The following ADCY2 variants were observed in gnomAD, a reference collection of about 807,000 sequenced individuals.
The protein encoded by ADCY2 is adenylate cyclase type 2.
ADCY2 carries 31 observed loss-of-function variants against 125.2 expected under a neutral mutation model. The ratio of observed to expected loss-of-function variants is 0.25; its 90% CI spans 0.19 to 0.33. The LOEUF (loss-of-function observed/expected upper bound fraction) is 0.33, where lower values mean the gene tolerates loss of function less well. Among genes scored for constraint, ADCY2 ranks in the 10% least tolerant of loss-of-function variants. The probability of loss-of-function intolerance (pLI) is 1.00; values close to 1 mark genes in which losing one functional copy is unlikely to be tolerated. For synonymous variants in ADCY2, 512 were observed against 548.4 expected (o/e 0.93, Z 0.93); for missense variants, 904 against 1,418.2 (o/e 0.64, Z 5.82).
rs1169044055 is a variant in ADCY2, at chr5:7,620,231, A to G, written c.571-5936A>G. On this transcript the variant is annotated intron_variant, in intron 3 of 24. Transcript: ENST00000338316. Reference sequence around the variant, plus strand: ...TAGCAACAGATGTGGTATAAAAAGAATAAAGAAAATAATAATCATGACCAA... The same window carrying G: ...TAGCAACAGATGTGGTATAAAAAGAGTAAAGAAAATAATAATCATGACCAA... Among the ~76,000 whole-genome samples, 12 of 152,346 alleles carry G rather than the reference A, an allele frequency of 7.9e-5. No individual in the cohort carries two copies. In the East Asian group the frequency reaches 1.3e-3, roughly 17 times the overall value.
chr5:7,435,343 C>T lies in ADCY2; in HGVS notation c.408+20573C>T, dbSNP rs185249315. Among the ~76,000 whole-genome samples, 19 of 152,268 alleles carry T rather than the reference C, an allele frequency of 1.2e-4. No homozygotes were observed. In the East Asian group the frequency reaches 2.9e-3, roughly 23 times the overall value. ...GAAAACCTGGGCTTAGTTTTGGCTACGGCTTTTCTTCTCGCTGCCTGATGC... is the reference window on the plus strand; with the variant it reads ...GAAAACCTGGGCTTAGTTTTGGCTATGGCTTTTCTTCTCGCTGCCTGATGC... On this transcript the variant is annotated intron_variant, in intron 2 of 24. Coordinates refer to ENST00000338316, the MANE Select transcript of ADCY2 (RefSeq NM_020546.3).
chr5:7,501,827 T>C (rs1439327236), intron 2 of ADCY2, among the ~76,000 whole-genome samples: 1 of 151,876 alleles, frequency 6.6e-6, no homozygotes, highest in Non-Finnish European at 1.5e-5. Context: ...GATCAGTGGA[T>C]TATTTGCTTC....
intron 2 of ADCY2, among the ~76,000 whole-genome samples, chr5:7,438,298 G>C (rs1740884006): frequency 1.3e-5 from 2 of 152,222 alleles, no homozygotes; most frequent in Non-Finnish European, 2.9e-5. Flanking sequence ...CTAGGCCCTG[G>C]AATTAGAGCA....
intron 4 of ADCY2, among the ~76,000 whole-genome samples, chr5:7,664,001 A>G (rs1474075149): frequency 6.6e-6 from 1 of 152,096 alleles, no homozygotes; most frequent in Non-Finnish European, 1.5e-5. Context: ...TGTGGATCCA[A>G]TGCCTAAAGT....
chr5:7,576,907 A>G (rs892504244), intron 3 of ADCY2, among the ~76,000 whole-genome samples: 2 of 152,210 alleles, frequency 1.3e-5, no homozygotes, highest in African/African-American at 4.8e-5. Flanking sequence ...ATTTTAAAGA[A>G]AATACATGTG....
intron 3 of ADCY2, among the ~76,000 whole-genome samples, chr5:7,561,941 G>A (rs10475381): frequency 0.37 from 56,707 of 151,904 alleles, 11,310 homozygotes; most frequent in African/African-American, 0.42. Context: ...CAGGAATATC[G>A]TATTGCACAT....
At chr5:7,450,871 T>C (rs1333691182) in intron 2 of ADCY2, among the ~76,000 whole-genome samples, 1 of 152,176 alleles carries the variant, frequency 6.6e-6, no homozygotes, top group Non-Finnish European at 1.5e-5. Flanking sequence ...TAGAGGACAG[T>C]GTATCTGTTT....
intron 4 of ADCY2, chr5:7,657,999 G>C (rs1384123972): frequency 6.6e-6 from 1 of 152,256 alleles, no homozygotes; most frequent in African/African-American, 2.4e-5. Flanking sequence ...AGACCCCCAG[G>C]TGCAGTGACA....
chr5:7,687,922 TG>T (rs1740571100), intron 4 of ADCY2, among the ~76,000 whole-genome samples: 4 of 152,216 alleles, frequency 2.6e-5, no homozygotes, highest in Admixed American at 2.6e-4. Flanking sequence ...TGAGCACCTG[TG>T]GCTTGGTGCA....
chr5:7,463,391 ATG>A (rs1209012195), intron 2 of ADCY2, among the ~76,000 whole-genome samples: 2 of 152,068 alleles, frequency 1.3e-5, no homozygotes, highest in African/African-American at 4.8e-5. Flanking sequence ...TAGGCCTGGG[ATG>A]TGTTTCTTTT....
intron 22 of ADCY2, among the ~76,000 whole-genome samples, chr5:7,806,732 T>C (rs143667529): frequency 7.2e-4 from 109 of 152,330 alleles, no homozygotes; most frequent in African/African-American, 2.5e-3. Context: ...CTAACAAAGC[T>C]CTGTCTTCAG....
Position 7,827,560 on chromosome 5 carries a change from C to T in ADCY2, c.*689C>T, listed in dbSNP as rs1745530338. On this transcript the variant is annotated 3_prime_UTR_variant, in exon 25 of 25. Coordinates refer to ENST00000338316, the MANE Select transcript of ADCY2 (RefSeq NM_020546.3). ...TACAGTGCCTGTATCTTTTATTTTC[C>T]TGTCTTCTTTCTCCTGTGGTTTGCT... 6.6e-6 allele frequency: 1 copy of T among 152,326 alleles called. No individual in the cohort carries two copies. Among genetic ancestry groups the T allele is most frequent in the Non-Finnish European group, 1.5e-5 (1 of 68,032 alleles). The allele number at this position is 152,326 out of a possible 1,614,324, so 9.4% of individuals were successfully genotyped here.
At chr5:7,675,097 G>A (rs899561934) in intron 4 of ADCY2, among the ~76,000 whole-genome samples, 8 of 151,520 alleles carry the variant, frequency 5.3e-5, no homozygotes, top group East Asian at 1.9e-4. Context: ...AGCAGAGCTC[G>A]CAGTGAGCCG....
intron 2 of ADCY2, among the ~76,000 whole-genome samples, chr5:7,473,011 T>C (rs529398214): frequency 8.1e-4 from 123 of 151,986 alleles, no homozygotes; most frequent in Admixed American, 1.5e-3. Flanking sequence ...TTTGTTGTAC[T>C]GGCCCTGCCT....
chr5:7,633,217 G>A (rs1001434817), intron 4 of ADCY2, among the ~76,000 whole-genome samples: 1 of 152,022 alleles, frequency 6.6e-6, no homozygotes, highest in Non-Finnish European at 1.5e-5. Context: ...GATCACCTGA[G>A]GTCAGGAGTT....
intron 2 of ADCY2, among the ~76,000 whole-genome samples, chr5:7,509,811 C>T (rs72709173): frequency 0.16 from 24,451 of 152,220 alleles, 2,108 homozygotes; most frequent in African/African-American, 0.2. Flanking sequence ...TAGTCATCAA[C>T]ATGTTCCTGA....
At chr5:7,499,525 G>A (rs1259906169) in intron 2 of ADCY2, among the ~76,000 whole-genome samples, 1 of 151,788 alleles carries the variant, frequency 6.6e-6, no homozygotes, top group Non-Finnish European at 1.5e-5. Context: ...GAAAAATAAA[G>A]TGAGTTCTTT....
At chr5:7,766,015 C>G (rs1423134244) in intron 16 of ADCY2, among the ~76,000 whole-genome samples, 1 of 152,120 alleles carries the variant, frequency 6.6e-6, no homozygotes, top group Non-Finnish European at 1.5e-5. Flanking sequence ...TTGATACTGT[C>G]CTTCTGATGC....
chr5:7,540,869 G>A (rs1383005829), intron 3 of ADCY2, among the ~76,000 whole-genome samples: 1 of 152,214 alleles, frequency 6.6e-6, no homozygotes, highest in Non-Finnish European at 1.5e-5. Context: ...AGCAAGGGAA[G>A]ATCAGAGACT....
Sources: allele counts gnomAD v4.1 joint callset (sites outside exome capture counted in the v4.1 genomes callset), GRCh38; gene constraint gnomAD v4.1.1; transcripts MANE v1.5; gene names NCBI Gene and HGNC (gene_info 2026-07-23, HGNC 2026-07-21).